The following TTC3 variants were observed in gnomAD, a reference collection of about 807,000 sequenced individuals.
TTC3 encodes the protein tetratricopeptide repeat domain 3.
Under a neutral mutation model 249.6 loss-of-function variants are expected in TTC3, and 180 were observed. That is an observed-to-expected ratio of 0.72 (90% confidence interval 0.64 to 0.82). The LOEUF is 0.82. TTC3 is among the 40% of genes least tolerant of loss of function. The pLI, the probability that TTC3 is intolerant of heterozygous loss-of-function variation, is 0.00. For synonymous variants in TTC3, 717 were observed against 805.0 expected, an observed-to-expected ratio of 0.89 and a Z score of 1.85; for missense variants, 2,061 against 2,398.4, an observed-to-expected ratio of 0.86 and a Z score of 2.94.
At chr21:37,116,399 T>C (rs960907432) in intron 11 of TTC3, among the ~76,000 whole-genome samples, 2 of 152,232 alleles carry the variant, frequency 1.3e-5, no homozygotes, top group Non-Finnish European at 2.9e-5. Flanking sequence ...GAAATAGTTT[T>C]ATTTATTTCA....
intron 29 of TTC3, 77 bp downstream of exon 29, chr21:37,159,822 T>G: frequency 7.2e-7 from 1 of 1,384,354 alleles, no homozygotes; most frequent in Non-Finnish European, 1.0e-6. Context: ...CCCAGGCCAG[T>G]GTTTATTGAC....
At chr21:37,177,969 C>T (rs1049713580) in intron 35 of TTC3, among the ~76,000 whole-genome samples, 1 of 152,198 alleles carries the variant, frequency 6.6e-6, no homozygotes, top group African/African-American at 2.4e-5. Context: ...CTAGCTGTCA[C>T]TCCCCATTCT....
At chr21:37,134,016 G>T (rs1270818208) in intron 17 of TTC3, among the ~76,000 whole-genome samples, 1 of 152,134 alleles carries the variant, frequency 6.6e-6, no homozygotes, top group Non-Finnish European at 1.5e-5. Flanking sequence ...TATTTGTAGG[G>T]CTAGTATATC....
chr21:37,183,109 A>G (rs752606336), intron 36 of TTC3, among the ~76,000 whole-genome samples, 196 bp downstream of exon 36: 30 of 152,176 alleles, frequency 2.0e-4, no homozygotes, highest in Non-Finnish European at 3.2e-4. Flanking sequence ...TAAACTTAAC[A>G]TTTTTTCAGA....
In TTC3 at chr21:37,144,639, A is replaced by C. The variant is rs372074813; in HGVS notation, c.1887A>C (p.Lys629Asn). 3.7e-6 allele frequency: 6 copies of C among 1,606,862 alleles called. No individual in the cohort carries two copies. In the East Asian group the frequency reaches 1.3e-4, roughly 36 times the overall value. The change falls in exon 21 of 46, where the codon AAA (lysine) becomes AAC (asparagine). Residue 629 changes from lysine (K) to asparagine (N), a missense_variant. Physicochemically the swap from Lys to Asn is moderately conservative, Grantham distance 94. Transcript: ENST00000355666. Reference sequence around the variant, plus strand: ...TTATTGAAGAGTCTCAGCCACAAAAAATAAAGGTAACCATTTATTTTTGCA... The same window carrying C: ...TTATTGAAGAGTCTCAGCCACAAAACATAAAGGTAACCATTTATTTTTGCA...
At chr21:37,110,329 A>C (rs1257583573) in intron 11 of TTC3, among the ~76,000 whole-genome samples, 1 of 151,888 alleles carries the variant, frequency 6.6e-6, no homozygotes, top group East Asian at 1.9e-4. Flanking sequence ...AGATGAATGG[A>C]TAACTAGAAT....
intron 35 of TTC3, among the ~76,000 whole-genome samples, chr21:37,173,126 A>G (rs755819836): frequency 1.4e-4 from 22 of 152,202 alleles, no homozygotes; most frequent in Non-Finnish European, 2.9e-4. Context: ...GTTCAGATCT[A>G]GGCATGGTTC....
At position 37,188,404 on chromosome 21, in the gene TTC3, G is replaced by C. The variant is rs1292353944; in HGVS notation, c.4924-91G>C. 1.0e-5 allele frequency: 9 copies of C among 881,526 alleles called. No individual in the cohort carries two copies. The East Asian group carries it at 2.3e-4, about 23-fold the overall frequency. 54.6% of individuals were successfully genotyped at this position (881,526 alleles called of 1,614,324 possible). On this transcript the variant is annotated intron_variant, in intron 38 of 45. Transcript: ENST00000355666. Reference sequence around the variant, plus strand: ...TCATGCTTCATTTAAGGAGAAATGGGAAAGTGGTTTGAATGTTTAAGTTTT... The same window carrying C: ...TCATGCTTCATTTAAGGAGAAATGGCAAAGTGGTTTGAATGTTTAAGTTTT...
At chr21:37,134,955 G>A (rs866861013) in intron 17 of TTC3, among the ~76,000 whole-genome samples, 36 of 152,204 alleles carry the variant, frequency 2.4e-4, no homozygotes, top group Admixed American at 3.9e-4. Context: ...CAGGATGGCA[G>A]TTGTTAAAAT....
chr21:37,119,087 A>T (rs1233453117), intron 11 of TTC3, among the ~76,000 whole-genome samples: 1 of 152,140 alleles, frequency 6.6e-6, no homozygotes, highest in African/African-American at 2.4e-5. Flanking sequence ...TTGTAGATGG[A>T]TGCCAGATAT....
chr21:37,150,268 T>C (rs1042279674), intron 24 of TTC3, 98 bp downstream of exon 24: 3 of 860,296 alleles, frequency 3.5e-6, no homozygotes, highest in Non-Finnish European at 5.6e-6. Flanking sequence ...AATTTGGATC[T>C]TTTCCAGGAA....
intron 35 of TTC3, among the ~76,000 whole-genome samples, chr21:37,176,131 T>A (rs2082266099): frequency 6.6e-6 from 1 of 152,212 alleles, no homozygotes; most frequent in South Asian, 2.1e-4. Flanking sequence ...TTGTTTTTAT[T>A]GTACCCTAAC....
chr21:37,093,916 C>A, intron 7 of TTC3, 89 bp from the exon 8 acceptor site: 2 of 804,454 alleles, frequency 2.5e-6, no homozygotes, highest in South Asian at 1.6e-5. Flanking sequence ...GTGGACTCAC[C>A]TAACTCAAGA....
At chr21:37,091,862 T>TG (rs1373669853) in intron 7 of TTC3, among the ~76,000 whole-genome samples, 1 of 152,222 alleles carries the variant, frequency 6.6e-6, no homozygotes, top group African/African-American at 2.4e-5. Flanking sequence ...ATTACAGGCG[T>TG]GGGCCACCGT....
At chr21:37,148,632 T>A in exon 23 of TTC3, 1 of 1,591,996 alleles carries the variant, frequency 6.3e-7, no homozygotes, top group Admixed American at 1.8e-5. Flanking sequence ...CAACCTTTAA[T>A]GATAAAATTG....
chr21:37,127,704 G>A (rs983265371), intron 15 of TTC3, among the ~76,000 whole-genome samples: 8 of 152,124 alleles, frequency 5.3e-5, no homozygotes, highest in African/African-American at 1.9e-4. Flanking sequence ...TGTTTGTTGG[G>A]TGGTTGGTTT....
chr21:37,188,330 A>G (rs983063877), intron 38 of TTC3, 165 bp from the exon 39 acceptor site: 8 of 544,410 alleles, frequency 1.5e-5, no homozygotes, highest in Non-Finnish European at 2.3e-5. Context: ...TCAAATCTCA[A>G]AGTCTAATTC....
chr21:37,076,311 A>G (rs1307165953), intron 1 of TTC3, among the ~76,000 whole-genome samples: 2 of 152,234 alleles, frequency 1.3e-5, no homozygotes, highest in Non-Finnish European at 2.9e-5. Context: ...GTGTGAATAT[A>G]ACACAGTGTA....
intron 1 of TTC3, among the ~76,000 whole-genome samples, chr21:37,076,250 T>C (rs1449289161): frequency 1.3e-5 from 2 of 152,248 alleles, no homozygotes; most frequent in Non-Finnish European, 2.9e-5. Flanking sequence ...GAGTTACTAA[T>C]ATTGGGTATA....
Sources: gnomAD v4.1 joint callset for allele counts (sites outside exome capture counted in the v4.1 genomes callset) on GRCh38, gnomAD v4.1.1 for gene constraint, MANE v1.5 for transcripts, NCBI Gene and HGNC (gene_info 2026-07-23, HGNC 2026-07-21) for gene names.